Variants in CPT1A observed in about 807,000 individuals in gnomAD.
CPT1A encodes the protein carnitine O-palmitoyltransferase 1, liver isoform.
A neutral mutation model predicts 100.8 loss-of-function variants in CPT1A; 64 were observed. That is an observed-to-expected ratio of 0.63 (90% CI 0.52 to 0.78). The LOEUF (loss-of-function observed/expected upper bound fraction) is 0.78, where lower values mean the gene tolerates loss of function less well. Ranked by LOEUF, CPT1A falls within the 30% of genes least tolerant of loss-of-function variation. CPT1A has a pLI of 0.00. For synonymous variants in CPT1A, 363 were observed against 396.0 expected (o/e 0.92, Z 0.99); for missense variants, 802 against 1,034.1 (o/e 0.78, Z 3.08).
intron 1 of CPT1A, among the ~76,000 whole-genome samples, chr11:68,840,647 T>G (rs1391278091): frequency 6.6e-6 from 1 of 152,248 alleles, no homozygotes; most frequent in African/African-American, 2.4e-5. Flanking sequence ...TGAGTTGTTT[T>G]CTTTTTTTAA....
At chr11:68,798,582 C>T (rs544264901) in intron 6 of CPT1A, among the ~76,000 whole-genome samples, 22 of 152,184 alleles carry the variant, frequency 1.4e-4, no homozygotes, top group African/African-American at 4.6e-4. Context: ...TAAGACGCTT[C>T]GTTGGAGGAG....
chr11:68,760,533 G>C (rs1457546614), intron 16 of CPT1A, among the ~76,000 whole-genome samples, 195 bp from the exon 17 acceptor site: 1 of 152,166 alleles, frequency 6.6e-6, no homozygotes, highest in Non-Finnish European at 1.5e-5. Flanking sequence ...CCCCCAGACT[G>C]GGGCAGGGAG....
chr11:68,775,165 C>T (rs1383132391), intron 13 of CPT1A, 151 bp downstream of exon 13: 5 of 682,782 alleles, frequency 7.3e-6, no homozygotes, highest in Admixed American at 4.7e-5. Context: ...CGCAGACCCA[C>T]GGAACTCCCT....
intron 5 of CPT1A, among the ~76,000 whole-genome samples, chr11:68,801,693 A>G (rs1202139111): frequency 6.6e-6 from 1 of 152,018 alleles, no homozygotes; most frequent in Non-Finnish European, 1.5e-5. Context: ...TCAGTAACCA[A>G]GCCTGGATTC....
At chr11:68,780,336 G>C (rs939282009) in intron 12 of CPT1A, among the ~76,000 whole-genome samples, 31 of 152,212 alleles carry the variant, frequency 2.0e-4, no homozygotes, top group African/African-American at 7.2e-4. Flanking sequence ...AGGCCGGAGT[G>C]CAGTGGCACG....
intron 6 of CPT1A, among the ~76,000 whole-genome samples, chr11:68,797,835 G>A (rs1343282020): frequency 1.3e-5 from 2 of 152,092 alleles, no homozygotes; most frequent in African/African-American, 2.4e-5. Context: ...AAAATTAGCC[G>A]GGTGTGGTGG....
intron 3 of CPT1A, among the ~76,000 whole-genome samples, chr11:68,812,130 A>G (rs1476791770): frequency 2.0e-5 from 3 of 152,178 alleles, no homozygotes; most frequent in Non-Finnish European, 4.4e-5. Flanking sequence ...TCAGAGCCCT[A>G]TTGGCCAGGC....
Position 68,808,373 on chromosome 11 carries a change from CT to C in CPT1A, c.282-736del, listed in dbSNP as rs34991663. Among the ~76,000 whole-genome samples, 1,124 of 140,070 alleles carry C rather than the reference CT, an allele frequency of 8.0e-3. 10 individuals carry two copies. The highest frequency in any genetic ancestry group is 0.021 in the African/African-American group (826 of 38,554). The allele number at this position is 140,070 out of a possible 152,430, so 91.9% of individuals were successfully genotyped here. A position where few individuals can be genotyped will look rare whatever the true frequency, so the allele number is the denominator to read the frequency against. ...ACTTTAAAAATGAGATGAAATTCAG[CT>C]TTTTTTTTTTTTTCGAGACAAGAGT... On this transcript the variant is annotated intron_variant, in intron 3 of 18. Transcript: ENST00000265641.
At chr11:68,778,153 G>A (rs2153997432) in intron 12 of CPT1A, among the ~76,000 whole-genome samples, 1 of 152,016 alleles carries the variant, frequency 6.6e-6, no homozygotes, top group East Asian at 1.9e-4. Flanking sequence ...GTGGCTGGAG[G>A]TTTTGCCAAG....
chr11:68,841,705 C>T lies in CPT1A; in HGVS notation c.-14+70G>A, dbSNP rs1217193501. On this transcript the variant is annotated intron_variant, in intron 1 of 18. Coordinates refer to ENST00000265641, the MANE Select transcript of CPT1A (RefSeq NM_001876.4). This position sits in a 1 kb window ranked among gnomAD's most constrained non-coding sequence, Gnocchi z 6.3. ...CGGTTCCCGGCAGCCCCGCGCCCCGCCCGTCCCCGGCCCCCGCAGCCCGCA... is the reference window on the plus strand; with the variant it reads ...CGGTTCCCGGCAGCCCCGCGCCCCGTCCGTCCCCGGCCCCCGCAGCCCGCA... 3.5e-6 allele frequency: 3 copies of T among 850,902 alleles called. No homozygotes were observed. Among genetic ancestry groups the T allele is most frequent in the Non-Finnish European group, 4.2e-6 (3 of 706,794 alleles). 52.7% of individuals were successfully genotyped at this position (850,902 alleles called of 1,614,324 possible). A position where few individuals can be genotyped will look rare whatever the true frequency, so the allele number is the denominator to read the frequency against.
At chr11:68,799,497 C>T (rs1260235650) in intron 5 of CPT1A, 142 bp from the exon 6 acceptor site, 2 of 925,012 alleles carry the variant, frequency 2.2e-6, no homozygotes, top group African/African-American at 1.6e-5. Flanking sequence ...GCTTGTAATC[C>T]CAGCACTTTG....
chr11:68,779,893 T>G (rs1181949884), intron 12 of CPT1A, among the ~76,000 whole-genome samples: 1 of 151,994 alleles, frequency 6.6e-6, no homozygotes, highest in African/African-American at 2.4e-5. Flanking sequence ...TTTTAAGAAT[T>G]AAAATGATGT....
intron 4 of CPT1A, among the ~76,000 whole-genome samples, chr11:68,805,344 T>C (rs904113146): frequency 6.6e-6 from 1 of 151,368 alleles, no homozygotes; most frequent in Non-Finnish European, 1.5e-5. Flanking sequence ...CCAGCTACTG[T>C]GGAGGCTGAG....
intron 12 of CPT1A, among the ~76,000 whole-genome samples, chr11:68,779,027 G>C (rs182081055): frequency 6.6e-6 from 1 of 151,934 alleles, no homozygotes; most frequent in Non-Finnish European, 1.5e-5. Context: ...CTCGTGATCC[G>C]CCTGCCTCGG....
Position 68,771,039 on chromosome 11 carries a change from T to C in CPT1A, c.1740+2226A>G, listed in dbSNP as rs556321125. On this transcript the variant is annotated intron_variant, in intron 14 of 18. Coordinates refer to ENST00000265641, the MANE Select transcript of CPT1A (RefSeq NM_001876.4). ...CCTGCCAAGTACATGGCACAGTGGC[T>C]GGTGCCCCTTGCAGCTCATTCCCAC... Among the ~76,000 whole-genome samples the C allele has an allele frequency of 2.0e-5, 3 of 152,340 alleles. No individual in the cohort carries two copies. The East Asian group carries it at 5.8e-4, about 29-fold the overall frequency.
chr11:68,794,139 A>C (rs1025363947), intron 8 of CPT1A, among the ~76,000 whole-genome samples: 10 of 152,212 alleles, frequency 6.6e-5, no homozygotes, highest in Non-Finnish European at 1.3e-4. Flanking sequence ...TACATCTCAG[A>C]ATAATTAGGC....
intron 5 of CPT1A, among the ~76,000 whole-genome samples, chr11:68,801,048 G>A (rs981406331): frequency 1.3e-5 from 2 of 152,146 alleles, no homozygotes; most frequent in Admixed American, 1.3e-4. Flanking sequence ...ATTCAAGGTT[G>A]CAGTGAGCTA....
chr11:68,818,202 CA>C lies in CPT1A; in HGVS notation c.-13-2716del, dbSNP rs375056425. On this transcript the variant is annotated intron_variant, in intron 1 of 18. Transcript: ENST00000265641. ...AGTGTGGACAATGACCCACACAAGA[CA>C]GTCTGCAGAGGCACCTTGAGCTGCA... 3.5e-4 allele frequency among the ~76,000 whole-genome samples: 54 copies of C among 152,216 alleles called. 1 individual carries two copies. The highest frequency in any genetic ancestry group is 1.3e-3 in the African/African-American group (52 of 41,540).
At chr11:68,819,489 G>A (rs550195653) in intron 1 of CPT1A, among the ~76,000 whole-genome samples, 4 of 152,162 alleles carry the variant, frequency 2.6e-5, no homozygotes, top group South Asian at 2.1e-4. Flanking sequence ...ATAAAGTGAC[G>A]TGACTGGCTA....
Sources: allele counts gnomAD v4.1 joint callset (sites outside exome capture counted in the v4.1 genomes callset), GRCh38; gene constraint gnomAD v4.1.1; non-coding constraint Gnocchi (gnomAD v3.1); transcripts MANE v1.5; gene names NCBI Gene and HGNC (gene_info 2026-07-23, HGNC 2026-07-21).